Variants in CBFA2T2 observed in about 807,000 individuals in gnomAD.
The protein encoded by CBFA2T2 is protein CBFA2T2.
Under a neutral mutation model 62.2 loss-of-function variants are expected in CBFA2T2, and 11 were observed. The observed-to-expected ratio is 0.18, with a 90% CI of 0.11 to 0.29. The LOEUF is 0.29. CBFA2T2 is among the 10% of genes least tolerant of loss of function. CBFA2T2 has a pLI of 1.00. For synonymous variants in CBFA2T2, 295 were observed against 287.5 expected (o/e 1.03, Z -0.27); for missense variants, 592 against 774.1 (o/e 0.76, Z 2.79).
At chr20:33,596,379 A>G (rs564318871) in intron 1 of CBFA2T2, among the ~76,000 whole-genome samples, 12 of 152,344 alleles carry the variant, frequency 7.9e-5, no homozygotes, top group African/African-American at 2.4e-4. Flanking sequence ...TCAAATAAGT[A>G]GGTTTAAAAA....
chr20:33,585,625 A>G (rs2014330211), intron 1 of CBFA2T2, among the ~76,000 whole-genome samples: 1 of 152,220 alleles, frequency 6.6e-6, no homozygotes, highest in African/African-American at 2.4e-5. Context: ...ACAGTCAAAC[A>G]TTATGAACAT....
At chr20:33,547,763 T>G (rs1395931629) in intron 1 of CBFA2T2, among the ~76,000 whole-genome samples, 2 of 151,026 alleles carry the variant, frequency 1.3e-5, no homozygotes, top group East Asian at 3.9e-4. Context: ...GGCAGAAAAT[T>G]AGGTGTATAT....
intron 1 of CBFA2T2, among the ~76,000 whole-genome samples, chr20:33,564,261 C>CTTTTTTT: frequency 7.0e-6 from 1 of 143,146 alleles, no homozygotes; most frequent in African/African-American, 2.7e-5. Flanking sequence ...TTTTCTTTTT[C>CTTTTTTT]TTTCTTTTTT....
intron 3 of CBFA2T2, among the ~76,000 whole-genome samples, chr20:33,616,172 TACATACATAC>T (rs1425661160): frequency 2.0e-5 from 3 of 152,148 alleles, no homozygotes; most frequent in Admixed American, 1.3e-4. Flanking sequence ...TAGATATAGA[TACATACATAC>T]ATATACATAC....
At chr20:33,574,694 G>C (rs2146906707) in intron 1 of CBFA2T2, among the ~76,000 whole-genome samples, 1 of 152,290 alleles carries the variant, frequency 6.6e-6, no homozygotes, top group East Asian at 1.9e-4. Context: ...TGACTTCATT[G>C]GCATTTTGAG....
intron 1 of CBFA2T2, among the ~76,000 whole-genome samples, chr20:33,567,115 T>C (rs886253942): frequency 3.9e-5 from 6 of 152,248 alleles, no homozygotes; most frequent in Non-Finnish European, 8.8e-5. Context: ...GCTGATGGAC[T>C]TTCCAAACAG....
chr20:33,553,202 G>A (rs866856320), intron 1 of CBFA2T2, among the ~76,000 whole-genome samples: 5 of 152,074 alleles, frequency 3.3e-5, no homozygotes, highest in Admixed American at 6.6e-5. Context: ...GTAAAGCTAC[G>A]TTGTTGCTAT....
At chr20:33,618,188 T>G (rs2015781517) in intron 3 of CBFA2T2, among the ~76,000 whole-genome samples, 1 of 149,678 alleles carries the variant, frequency 6.7e-6, no homozygotes, top group Non-Finnish European at 1.5e-5. Context: ...TTTTTTTTTT[T>G]GTTAGGAAAA....
rs555046706 is a variant in CBFA2T2 at position 33,575,957 on chromosome 20, T to A, written c.35-30999T>A. ...CACGCCTGGCTAATTTTTTTTTTTT[T>A]AATGTATTTTTAGTAGAGACGGGGT... On this transcript the variant is annotated intron_variant, in intron 1 of 10. Transcript: ENST00000342704. Among the ~76,000 whole-genome samples, 11 of 151,368 alleles carry A rather than the reference T, an allele frequency of 7.3e-5. No individual in the cohort carries two copies. The East Asian group carries it at 7.8e-4, about 11-fold the overall frequency.
intron 1 of CBFA2T2, among the ~76,000 whole-genome samples, chr20:33,502,522 G>A (rs1166121668): frequency 1.3e-5 from 2 of 151,544 alleles, no homozygotes; most frequent in Non-Finnish European, 2.9e-5. Flanking sequence ...TTCTGCCTCA[G>A]CCTTCCGAGT....
At chr20:33,629,580 A>G in intron 7 of CBFA2T2, 139 bp from the exon 8 acceptor site, 1 of 773,916 alleles carries the variant, frequency 1.3e-6, no homozygotes, top group Non-Finnish European at 2.1e-6. Flanking sequence ...ACAGCAATAA[A>G]GGTTTTAAAT....
chr20:33,522,633 C>T (rs1415655656), intron 1 of CBFA2T2, among the ~76,000 whole-genome samples: 1 of 151,968 alleles, frequency 6.6e-6, no homozygotes, highest in Non-Finnish European at 1.5e-5. Context: ...TCCCAACCTA[C>T]TTGGGAGGCT....
intron 1 of CBFA2T2, among the ~76,000 whole-genome samples, chr20:33,555,664 A>G (rs1449172125): frequency 7.2e-5 from 11 of 152,226 alleles, no homozygotes; most frequent in Non-Finnish European, 2.9e-5. Flanking sequence ...ACCACACATA[A>G]CCACAGTACA....
chr20:33,570,090 C>A (rs2013485455), intron 1 of CBFA2T2, among the ~76,000 whole-genome samples: 1 of 152,126 alleles, frequency 6.6e-6, no homozygotes, highest in East Asian at 1.9e-4. Flanking sequence ...ACTAGCCTAT[C>A]CAAAATGGTG....
At position 33,532,179 on chromosome 20, in the gene CBFA2T2, T is replaced by A. The variant is rs76259416; in HGVS notation, c.34+41878T>A. ...AACACCTCTTTTCCCCATTTTTAGC[T>A]CCTGGTGTGCACAGAACACTGCGTT... On this transcript the variant is annotated intron_variant, in intron 1 of 10. Transcript: ENST00000342704. 5.6e-3 allele frequency among the ~76,000 whole-genome samples: 848 copies of A among 152,284 alleles called. 4 individuals are homozygous for A. The highest frequency in any genetic ancestry group is 0.019 in the African/African-American group (792 of 41,544).
chr20:33,546,428 T>C (rs1022179987), intron 1 of CBFA2T2, among the ~76,000 whole-genome samples: 1 of 141,790 alleles, frequency 7.1e-6, no homozygotes, highest in Non-Finnish European at 1.5e-5. Flanking sequence ...TGGATATACT[T>C]TTTTTTTTTT....
chr20:33,592,434 A>G (rs1355668775), intron 1 of CBFA2T2, among the ~76,000 whole-genome samples: 1 of 148,120 alleles, frequency 6.8e-6, no homozygotes, highest in Admixed American at 6.8e-5. Context: ...AAAATTATAT[A>G]TAATTATGTA....
At position 33,574,019 on chromosome 20, in the gene CBFA2T2, G is replaced by A. The variant is rs2013701885; in HGVS notation, c.35-32937G>A. The A allele has an allele frequency of 5.3e-5, 59 of 1,112,646 alleles. 1 individual carries two copies. In the South Asian group the frequency reaches 9.9e-4, roughly 19 times the overall value. The allele number at this position is 1,112,646 out of a possible 1,614,324, so 68.9% of individuals were successfully genotyped here. ...GCCCAGGTGGGTCTCAAACTCCTGGGCTAAAGCGATCTTCCCATGTTGGCT... is the reference window on the plus strand; with the variant it reads ...GCCCAGGTGGGTCTCAAACTCCTGGACTAAAGCGATCTTCCCATGTTGGCT... On this transcript the variant is annotated intron_variant, in intron 1 of 10. Coordinates refer to ENST00000342704, the MANE Select transcript of CBFA2T2 (RefSeq NM_001032999.3).
In CBFA2T2 at chr20:33,649,677, G is replaced by C. The variant is rs914804781; in HGVS notation, c.*5031G>C. On this transcript the variant is annotated 3_prime_UTR_variant, in exon 11 of 11. Transcript: ENST00000342704. ...GGCAGAGAAGCAGCAATAAGCATTA[G>C]GCGAATGATTGAAAGGGCTGCTGCG... The C allele has an allele frequency of 6.6e-6, 1 of 152,328 alleles. No homozygotes were observed. Among genetic ancestry groups the C allele is most frequent in the African/African-American group, 2.4e-5 (1 of 41,474 alleles). The allele number at this position is 152,328 out of a possible 1,614,324, so 9.4% of individuals were successfully genotyped here.
Sources: allele counts gnomAD v4.1 joint callset (sites outside exome capture counted in the v4.1 genomes callset), GRCh38; gene constraint gnomAD v4.1.1; transcripts MANE v1.5; gene names NCBI Gene and HGNC (gene_info 2026-07-23, HGNC 2026-07-21).